PIK3C2A: variants seen among roughly 807,000 people sequenced by gnomAD.
The protein encoded by PIK3C2A is phosphatidylinositol 4-phosphate 3-kinase C2 domain-containing subunit alpha.
Under a neutral mutation model 204.5 loss-of-function variants are expected in PIK3C2A, and 97 were observed. The observed-to-expected ratio is 0.47, with a 90% CI of 0.40 to 0.56. PIK3C2A has a LOEUF of 0.56. PIK3C2A is among the 20% of genes least tolerant of loss of function. PIK3C2A has a pLI of 0.00. For synonymous variants in PIK3C2A, 653 were observed against 664.4 expected (o/e 0.98, Z 0.26); for missense variants, 1,735 against 1,969.2 (o/e 0.88, Z 2.25).
chr11:17,132,091 A>G lies in PIK3C2A; in HGVS notation c.2109-53T>C, dbSNP rs1849715469. 3 of 1,073,642 alleles carry G rather than the reference A, an allele frequency of 2.8e-6. No individual in the cohort carries two copies. The East Asian group carries it at 7.4e-5, about 26-fold the overall frequency. The allele number at this position is 1,073,642 out of a possible 1,614,324, so 66.5% of individuals were successfully genotyped here. A position where few individuals can be genotyped will look rare whatever the true frequency, so the allele number is the denominator to read the frequency against. On this transcript the variant is annotated intron_variant, in intron 11 of 32. Transcript: ENST00000691414. ...CTATCATGATAATACAAATTAGTTA[A>G]CTAATACAAATACATTAGCAGTTCT... is the stretch of plus-strand genomic sequence containing the variant.
chr11:17,108,334 C>T (rs527667469), intron 22 of PIK3C2A, among the ~76,000 whole-genome samples: 13 of 152,196 alleles, frequency 8.5e-5, no homozygotes, highest in East Asian at 1.9e-4. Context: ...CTGGACACAG[C>T]GGTGCATGCC....
chr11:17,129,854 T>A (rs1450127731), intron 12 of PIK3C2A, among the ~76,000 whole-genome samples: 1 of 152,234 alleles, frequency 6.6e-6, no homozygotes, highest in East Asian at 1.9e-4. Context: ...CCCAAAGTGC[T>A]AGGATTACAG....
chr11:17,170,657 CACTT>C (rs1180325490), intron 1 of PIK3C2A, among the ~76,000 whole-genome samples: 4 of 152,124 alleles, frequency 2.6e-5, no homozygotes, highest in Non-Finnish European at 5.9e-5. Context: ...TTAAGACAAA[CACTT>C]AATTCAGACC....
At chr11:17,173,212 G>A (rs1042312619) in intron 1 of PIK3C2A, among the ~76,000 whole-genome samples, 7 of 151,958 alleles carry the variant, frequency 4.6e-5, no homozygotes, top group South Asian at 2.1e-4. Flanking sequence ...CAGAACCTAC[G>A]GCTTCCATTT....
chr11:17,132,358 T>C (rs532223453), intron 11 of PIK3C2A, among the ~76,000 whole-genome samples: 2 of 145,732 alleles, frequency 1.4e-5, no homozygotes, highest in South Asian at 4.4e-4. Context: ...AGTCTCGCTC[T>C]GTCGCCCAGG....
chr11:17,135,113 CT>C lies in PIK3C2A; in HGVS notation c.1894del (p.Arg632GlyfsTer12). 6.2e-7 allele frequency: 1 copy of C among 1,613,918 alleles called. No homozygotes were observed. Among genetic ancestry groups the C allele is most frequent in the Non-Finnish European group, 8.5e-7 (1 of 1,179,828 alleles). On this transcript the variant is annotated frameshift_variant, in exon 10 of 33. Transcript: ENST00000691414. LOFTEE classifies it high-confidence loss of function. Reference protein sequence around the residue: ...GGEDTSRSSTRGSLNPENPVQ... With the variant: ...GGEDTSRSSTXGSLNPENPVQ... ...AATTTAAAGATTTAAACACATACCC[CT>C]AGTTGAACTCCTGCTAGTGTCTTCT... is the stretch of plus-strand genomic sequence containing the variant.
At chr11:17,100,257 G>GC (rs1277799457) in intron 25 of PIK3C2A, among the ~76,000 whole-genome samples, 8 of 116,126 alleles carry the variant, frequency 6.9e-5, no homozygotes, top group African/African-American at 1.9e-4. Flanking sequence ...GGCGGGGGGG[G>GC]GGGGCAGGGA....
intron 8 of PIK3C2A, among the ~76,000 whole-genome samples, chr11:17,137,415 TAC>T (rs1849908448): frequency 4.1e-5 from 4 of 96,850 alleles, no homozygotes; most frequent in African/African-American, 1.5e-4. Flanking sequence ...TACTTCATAT[TAC>T]TTTGCCTTTT....
chr11:17,165,571 T>C (rs890621143), intron 2 of PIK3C2A, among the ~76,000 whole-genome samples: 4 of 150,014 alleles, frequency 2.7e-5, no homozygotes, highest in Non-Finnish European at 4.4e-5. Context: ...AGGTCGGGAG[T>C]TTGAGACCAA....
intron 2 of PIK3C2A, among the ~76,000 whole-genome samples, chr11:17,163,603 C>T (rs900585116): frequency 6.6e-6 from 1 of 151,686 alleles, no homozygotes; most frequent in South Asian, 2.1e-4. Context: ...TCTATAGACA[C>T]GGGTCTCCCT....
intron 19 of PIK3C2A, among the ~76,000 whole-genome samples, chr11:17,116,750 T>C (rs1231772174): frequency 6.6e-6 from 1 of 152,010 alleles, no homozygotes; most frequent in Non-Finnish European, 1.5e-5. Flanking sequence ...CCACCATGCC[T>C]GGCTAATTTT....
chr11:17,167,203 G>A (rs1850990847), intron 2 of PIK3C2A, among the ~76,000 whole-genome samples: 2 of 152,078 alleles, frequency 1.3e-5, no homozygotes, highest in Admixed American at 1.3e-4. Context: ...AAACTCCTGG[G>A]CTCAAGTGAT....
intron 12 of PIK3C2A, among the ~76,000 whole-genome samples, chr11:17,131,622 C>G (rs955564845): frequency 1.3e-5 from 2 of 151,990 alleles, no homozygotes; most frequent in South Asian, 4.2e-4. Flanking sequence ...GGGGTTTCAC[C>G]GTGTTAACCA....
At chr11:17,101,219 G>T in intron 25 of PIK3C2A, 59 bp downstream of exon 25, 2 of 937,444 alleles carry the variant, frequency 2.1e-6, no homozygotes, top group Non-Finnish European at 3.1e-6. Flanking sequence ...TCTTTTTTAA[G>T]TATTGAAACA....
chr11:17,113,141 A>T (rs1849053717), intron 20 of PIK3C2A, among the ~76,000 whole-genome samples: 1 of 152,102 alleles, frequency 6.6e-6, no homozygotes, highest in Non-Finnish European at 1.5e-5. Flanking sequence ...CCTCCCGAGT[A>T]GCTGGGATTA....
chr11:17,163,199 G>A (rs182276818), intron 2 of PIK3C2A, among the ~76,000 whole-genome samples: 1 of 151,974 alleles, frequency 6.6e-6, no homozygotes, highest in Non-Finnish European at 1.5e-5. Context: ...CCAGCTACTC[G>A]GGAAGCTGAG....
At chr11:17,157,091 T>C (rs1052253436) in intron 2 of PIK3C2A, among the ~76,000 whole-genome samples, 2 of 152,230 alleles carry the variant, frequency 1.3e-5, no homozygotes, top group Admixed American at 6.5e-5. Context: ...CATTTGCACC[T>C]AGCATTTCAT....
Position 17,110,539 on chromosome 11 carries a change from T to C in PIK3C2A, c.3437A>G (p.Asp1146Gly), listed in dbSNP as rs776955760. 64 of 1,610,460 alleles carry C rather than the reference T, an allele frequency of 4.0e-5. No individual in the cohort carries two copies. The highest frequency in any genetic ancestry group is 5.1e-5 in the Non-Finnish European group (60 of 1,178,440). The change falls in exon 22 of 33, where the codon GAT becomes GGT. Residue 1146 changes from aspartate to glycine, a missense_variant. Around this residue, in one of 6 missense-constraint regions of PIK3C2A, gnomAD observed 503 missense variants for 669.0 expected, o/e 0.75. Coordinates refer to ENST00000691414, the MANE Select transcript of PIK3C2A (RefSeq NM_002645.4). Reference protein sequence around the residue: ...MFKVGEDLRQDMLALQMIKIM... With the variant: ...MFKVGEDLRQGMLALQMIKIM... The stretch of plus-strand genomic sequence containing the variant: ...CTTTATCATCTGTAAAGCTAACATA[T>C]CTTGCCGAAGATCTTCACCAACCTT...
chr11:17,136,661 T>G (rs1286249135), intron 8 of PIK3C2A, 36 bp from the exon 9 acceptor site: 2 of 1,315,722 alleles, frequency 1.5e-6, no homozygotes, highest in African/African-American at 3.0e-5. Context: ...AATAGGTAGG[T>G]GAAATTTAAA....
Sources: allele counts gnomAD v4.1 joint callset (sites outside exome capture counted in the v4.1 genomes callset), GRCh38; gene constraint gnomAD v4.1.1; regional missense constraint gnomAD v4.1.1; transcripts MANE v1.5; gene names NCBI Gene and HGNC (gene_info 2026-07-23, HGNC 2026-07-21).